The following ATXN1 variants were observed in gnomAD, a reference collection of about 807,000 sequenced individuals.
ATXN1 encodes ataxin 1.
A neutral mutation model predicts 56.4 loss-of-function variants in ATXN1; 8 were observed. The observed-to-expected ratio is 0.14, with a 90% CI of 0.08 to 0.26. The LOEUF (loss-of-function observed/expected upper bound fraction) is 0.26, where lower values mean the gene tolerates loss of function less well. Among genes scored for constraint, ATXN1 ranks in the 10% least tolerant of loss-of-function variants. The pLI is 1.00. For missense variants in ATXN1, 987 were observed against 1,106.5 expected, an observed-to-expected ratio of 0.89 and a Z score of 1.53; for synonymous variants, 514 against 494.6, an observed-to-expected ratio of 1.04 and a Z score of -0.52.
intron 6 of ATXN1, among the ~76,000 whole-genome samples, chr6:16,357,236 TA>T (rs1554140574): frequency 1.2e-4 from 1 of 8,214 alleles, no homozygotes; most frequent in African/African-American, 1.4e-3. Flanking sequence ...TATTATTTTT[TA>T]TTTTATTTTA....
intron 4 of ATXN1, among the ~76,000 whole-genome samples, chr6:16,525,385 C>A (rs923211188): frequency 6.6e-6 from 1 of 152,076 alleles, no homozygotes; most frequent in African/African-American, 2.4e-5. Flanking sequence ...ATGGATGGAA[C>A]GAGAGATCAT....
At chr6:16,530,516 C>T (rs1450983918) in intron 4 of ATXN1, among the ~76,000 whole-genome samples, 1 of 152,174 alleles carries the variant, frequency 6.6e-6, no homozygotes, top group Admixed American at 6.5e-5. Flanking sequence ...TTAGCAGATT[C>T]ATCCATTGTC....
intron 7 of ATXN1, among the ~76,000 whole-genome samples, chr6:16,308,348 A>G (rs1760307840): frequency 6.6e-6 from 1 of 151,812 alleles, no homozygotes; most frequent in Non-Finnish European, 1.5e-5. Flanking sequence ...ACACACACAC[A>G]CACACACACA....
chr6:16,520,961 G>A (rs772219255), intron 5 of ATXN1, among the ~76,000 whole-genome samples: 10 of 152,164 alleles, frequency 6.6e-5, no homozygotes, highest in African/African-American at 9.7e-5. Flanking sequence ...TAGGGAAGAA[G>A]ACAAAGTGAT....
intron 2 of ATXN1, among the ~76,000 whole-genome samples, chr6:16,727,849 T>C (rs1759884370): frequency 6.6e-6 from 1 of 152,196 alleles, no homozygotes; most frequent in South Asian, 2.1e-4. Context: ...TCAGAGACCG[T>C]TTCCTCCATT....
intron 5 of ATXN1, among the ~76,000 whole-genome samples, chr6:16,499,978 C>A (rs1345144453): frequency 1.3e-5 from 2 of 152,096 alleles, no homozygotes; most frequent in Non-Finnish European, 2.9e-5. Context: ...ATGGCTCAGG[C>A]AATAGAATTT....
intron 6 of ATXN1, among the ~76,000 whole-genome samples, chr6:16,404,696 G>A (rs1266049624): frequency 7.6e-6 from 1 of 131,834 alleles, no homozygotes; most frequent in Non-Finnish European, 1.5e-5. Flanking sequence ...ACGCGCACTC[G>A]CGCGCGCGCA....
intron 6 of ATXN1, among the ~76,000 whole-genome samples, chr6:16,465,495 G>T (rs1052787421): frequency 6.6e-6 from 1 of 152,000 alleles, no homozygotes; most frequent in Non-Finnish European, 1.5e-5. Context: ...ATCAGGGAAG[G>T]TGCCATAAAG....
rs750568782 is a variant in ATXN1, at chr6:16,304,984, T to C, written c.*1345A>G. 5.9e-5 allele frequency: 9 copies of C among 152,796 alleles called. No individual in the cohort carries two copies. Among genetic ancestry groups the C allele is most frequent in the Non-Finnish European group, 1.3e-4 (9 of 68,038 alleles). 9.5% of individuals were successfully genotyped at this position (152,796 alleles called of 1,614,324 possible). On this transcript the variant is annotated 3_prime_UTR_variant, in exon 8 of 8. Coordinates refer to ENST00000436367, the MANE Select transcript of ATXN1 (RefSeq NM_001128164.2). The stretch of plus-strand genomic sequence containing the variant: ...TACTTGGTGGTCATTTATTGTCACA[T>C]ACTAGTTCATAATTCACATTCATCC...
intron 4 of ATXN1, among the ~76,000 whole-genome samples, chr6:16,568,590 G>C (rs990266540): frequency 6.6e-6 from 1 of 152,216 alleles, no homozygotes. Flanking sequence ...CAGGGGACAG[G>C]AGGTGAAGAA....
Position 16,521,491 on chromosome 6 carries a change from G to A in ATXN1, c.-299+1136C>T, listed in dbSNP as rs565359131. On this transcript the variant is annotated intron_variant, in intron 5 of 7. Transcript: ENST00000436367. ...GAGAATGGCGTGAACCCGGGAGGCGGAGCTTGCAGTGAGCCGAGATCGTGC... is the reference window on the plus strand; with the variant it reads ...GAGAATGGCGTGAACCCGGGAGGCGAAGCTTGCAGTGAGCCGAGATCGTGC... Among the ~76,000 whole-genome samples, 47 of 152,356 alleles carry A rather than the reference G, an allele frequency of 3.1e-4. 1 individual carries two copies. The South Asian group carries it at 7.9e-3, about 25-fold the overall frequency.
intron 3 of ATXN1, among the ~76,000 whole-genome samples, chr6:16,641,373 C>G (rs909769601): frequency 6.6e-6 from 1 of 152,178 alleles, no homozygotes. Context: ...TCTCTTGTTA[C>G]GGGCAAATGC....
chr6:16,690,121 C>T lies in ATXN1; in HGVS notation c.-614-32220G>A, dbSNP rs563231745. ...ATTATTTGTCTTAGAGACGGGGTCT[C>T]ACTATGTTGCCCAAGTTGGCCTTGA... On this transcript the variant is annotated intron_variant, in intron 2 of 7. Transcript: ENST00000436367. 3.9e-5 allele frequency among the ~76,000 whole-genome samples: 6 copies of T among 152,126 alleles called. No homozygotes were observed. In the South Asian group the frequency reaches 1.2e-3, roughly 32 times the overall value.
chr6:16,350,210 C>T (rs1242259756), intron 6 of ATXN1, among the ~76,000 whole-genome samples: 5 of 152,156 alleles, frequency 3.3e-5, no homozygotes, highest in African/African-American at 1.2e-4. Flanking sequence ...GCACTGTGGA[C>T]GTGGAAGATG....
At chr6:16,576,177 G>T (rs1762417207) in intron 4 of ATXN1, among the ~76,000 whole-genome samples, 1 of 151,872 alleles carries the variant, frequency 6.6e-6, no homozygotes. Context: ...TCCTTCACAG[G>T]GAATAATGAA....
rs9464901 is a variant in ATXN1, at chr6:16,400,262, G to A, written c.-160-71792C>T. 2.0e-3 allele frequency among the ~76,000 whole-genome samples: 299 copies of A among 152,260 alleles called. 4 individuals carry two copies. Among genetic ancestry groups the A allele is most frequent in the African/African-American group, 7.0e-3 (289 of 41,546 alleles). On this transcript the variant is annotated intron_variant, in intron 6 of 7. Coordinates refer to ENST00000436367, the MANE Select transcript of ATXN1 (RefSeq NM_001128164.2). Reference sequence around the variant, plus strand: ...CTCTTCTTGCTTCAGCCTTTCCTCAGAACATTCTCTCCAACCCAGACTGTA... The same window carrying A: ...CTCTTCTTGCTTCAGCCTTTCCTCAAAACATTCTCTCCAACCCAGACTGTA...
intron 3 of ATXN1, chr6:16,615,223 G>A (rs1309632131): frequency 3.4e-5 from 5 of 147,854 alleles, no homozygotes; most frequent in African/African-American, 7.5e-5. Flanking sequence ...TCAGAGGAGC[G>A]ATTGTGGAAA....
intron 6 of ATXN1, among the ~76,000 whole-genome samples, chr6:16,332,416 A>G (rs1761013794): frequency 6.6e-6 from 1 of 152,230 alleles, no homozygotes; most frequent in South Asian, 2.1e-4. Flanking sequence ...AAAAGAAACG[A>G]AAGAAGAAAA....
chr6:16,411,630 G>A (rs80002251), intron 6 of ATXN1, among the ~76,000 whole-genome samples: 3,357 of 152,266 alleles, frequency 0.022, 54 homozygotes, highest in Non-Finnish European at 0.036. Flanking sequence ...AGGGAACAAG[G>A]GCAAAGATGA....
Sources: gnomAD v4.1 joint callset for allele counts (sites outside exome capture counted in the v4.1 genomes callset) on GRCh38, gnomAD v4.1.1 for gene constraint, MANE v1.5 for transcripts, NCBI Gene and HGNC (gene_info 2026-07-23, HGNC 2026-07-21) for gene names.